The following ATP6V1G3 variants were observed in gnomAD, a reference collection of about 807,000 sequenced individuals.
ATP6V1G3 encodes the protein ATPase H+ transporting V1 subunit G3.
In ATP6V1G3, 9 loss-of-function variants were observed where a neutral mutation model predicts 9.3. The ratio of observed to expected loss-of-function variants is 0.97; its 90% CI spans 0.59 to 1.69. ATP6V1G3 has a LOEUF of 1.69. Among genes scored for constraint, ATP6V1G3 ranks in the 40% most tolerant of loss-of-function variants. The pLI, the probability that ATP6V1G3 is intolerant of heterozygous loss-of-function variation, is 0.00. For synonymous variants in ATP6V1G3, 43 were observed against 43.8 expected (o/e 0.98, Z 0.07); for missense variants, 133 against 139.0 (o/e 0.96, Z 0.22).
chr1:198,525,896 T>G (rs1326814148), intron 2 of ATP6V1G3, among the ~76,000 whole-genome samples: 3 of 152,130 alleles, frequency 2.0e-5, no homozygotes, highest in Non-Finnish European at 1.5e-5. Context: ...GAGAGACTTA[T>G]AAAGATGACT....
At chr1:198,536,679 CAGA>C (rs1194054086) in intron 1 of ATP6V1G3, 16 of 1,599,826 alleles carry the variant, frequency 1.0e-5, no homozygotes, top group Non-Finnish European at 1.3e-5. Flanking sequence ...GTCATCTTAC[CAGA>C]AGCAGTCCCA....
chr1:198,537,500 A>G (rs561959560), intron 1 of ATP6V1G3, among the ~76,000 whole-genome samples: 59 of 152,218 alleles, frequency 3.9e-4, no homozygotes, highest in African/African-American at 1.2e-3. Flanking sequence ...AGTCTTGCAA[A>G]TAAATGGATT....
chr1:198,536,667 T>C, intron 1 of ATP6V1G3: 2 of 1,586,194 alleles, frequency 1.3e-6, no homozygotes, highest in Admixed American at 1.7e-5. Flanking sequence ...TGAACATTTC[T>C]AGTCATCTTA....
chr1:198,531,888 A>G (rs925658222), intron 1 of ATP6V1G3, among the ~76,000 whole-genome samples: 13 of 152,162 alleles, frequency 8.5e-5, no homozygotes, highest in Non-Finnish European at 1.8e-4. Context: ...AATGATTGAC[A>G]AAAGTAGTTG....
intron 1 of ATP6V1G3, among the ~76,000 whole-genome samples, chr1:198,534,808 A>T (rs1455679635): frequency 1.3e-5 from 2 of 152,202 alleles, no homozygotes; most frequent in African/African-American, 4.8e-5. Flanking sequence ...AGCAAAACCA[A>T]ACCAAACAAA....
chr1:198,532,753 A>G (rs973396911), intron 1 of ATP6V1G3, among the ~76,000 whole-genome samples: 42 of 152,194 alleles, frequency 2.8e-4, no homozygotes, highest in Non-Finnish European at 2.4e-4. Context: ...AGGGTCCTCC[A>G]GGCAGAGGGA....
intron 1 of ATP6V1G3, among the ~76,000 whole-genome samples, chr1:198,538,487 T>C (rs1192138672): frequency 6.6e-6 from 1 of 152,208 alleles, no homozygotes; most frequent in East Asian, 1.9e-4. Flanking sequence ...TACAATAATA[T>C]TGATTAATCT....
chr1:198,538,414 A>C (rs1339543190), intron 1 of ATP6V1G3, among the ~76,000 whole-genome samples: 1 of 152,174 alleles, frequency 6.6e-6, no homozygotes, highest in African/African-American at 2.4e-5. Context: ...CATGTATAGC[A>C]ATTCTTTTAT....
Position 198,523,265 on chromosome 1 carries a change from G to T in ATP6V1G3, c.*126C>A, listed in dbSNP as rs991319181. On this transcript the variant is annotated 3_prime_UTR_variant, in exon 3 of 3. Transcript: ENST00000367382. ...AATTCAGTGCCGATGTATGAGTTAT[G>T]TCACATTTCCTGTAAATGTAAATTT... is the stretch of plus-strand genomic sequence containing the variant. 9.8e-5 allele frequency: 91 copies of T among 932,392 alleles called. No homozygotes were observed. The highest frequency in any genetic ancestry group is 1.4e-4 in the Non-Finnish European group (84 of 618,158). 57.8% of individuals were successfully genotyped at this position (932,392 alleles called of 1,614,324 possible).
rs946766280 is a variant in ATP6V1G3 at position 198,523,380 on chromosome 1, G to C, written c.*11C>G. The C allele has an allele frequency of 5.6e-6, 9 of 1,607,692 alleles. No individual in the cohort carries two copies. In the African/African-American group the frequency reaches 8.0e-5, roughly 14 times the overall value. On this transcript the variant is annotated 3_prime_UTR_variant, in exon 3 of 3. Transcript: ENST00000367382. ...CACACCTTTTTTTTTCTTGAAAACTGTGATGTACATTTAGTTGGTGGCTCT... is the reference window on the plus strand; with the variant it reads ...CACACCTTTTTTTTTCTTGAAAACTCTGATGTACATTTAGTTGGTGGCTCT...
At chr1:198,540,309 A>G (rs2103148660) in intron 1 of ATP6V1G3, among the ~76,000 whole-genome samples, 1 of 152,314 alleles carries the variant, frequency 6.6e-6, no homozygotes, top group African/African-American at 2.4e-5. Flanking sequence ...GGCATAGCCA[A>G]GGCTTAAGCC....
At chr1:198,539,457 T>A (rs891487672) in intron 1 of ATP6V1G3, among the ~76,000 whole-genome samples, 1 of 152,174 alleles carries the variant, frequency 6.6e-6, no homozygotes, top group Non-Finnish European at 1.5e-5. Flanking sequence ...TTATTGTAGA[T>A]TGAATAATGA....
In ATP6V1G3 at chr1:198,523,300, A is replaced by G. The variant is rs1466382950; in HGVS notation, c.*91T>C. On this transcript the variant is annotated 3_prime_UTR_variant, in exon 3 of 3. Transcript: ENST00000367382. ...CTGTAAATGTAAATTTAAGGTTCTC[A>G]TTTCAAATTTCTCAACATAAAAATA... The G allele has an allele frequency of 6.3e-6, 8 of 1,277,916 alleles. No individual in the cohort carries two copies. The East Asian group carries it at 1.7e-4, about 28-fold the overall frequency. The allele number at this position is 1,277,916 out of a possible 1,614,324, so 79.2% of individuals were successfully genotyped here. A position where few individuals can be genotyped will look rare whatever the true frequency, so the allele number is the denominator to read the frequency against.
At chr1:198,529,469 C>T (rs1659808616) in intron 1 of ATP6V1G3, among the ~76,000 whole-genome samples, 1 of 151,420 alleles carries the variant, frequency 6.6e-6, no homozygotes, top group Non-Finnish European at 1.5e-5. Flanking sequence ...TTTTTTTGCA[C>T]TTACATGTTT....
chr1:198,528,971 A>G, intron 2 of ATP6V1G3, 110 bp downstream of exon 2: 1 of 389,900 alleles, frequency 2.6e-6, no homozygotes, highest in East Asian at 5.5e-5. Flanking sequence ...ATTGAACTAT[A>G]TCTGCTCAAT....
chr1:198,529,118 A>AT lies in ATP6V1G3; in HGVS notation c.145dup (p.Met49AsnfsTer5). ...TAGTCGAAACTCTTTATCTCTCTGC[A>AT]TTCTGTACTGGTCAATTTCTACCAT... On this transcript the variant is annotated frameshift_variant, in exon 2 of 3. Transcript: ENST00000367382. LOFTEE classifies it low-confidence loss of function (END_TRUNC). The AT allele has an allele frequency of 2.7e-6, 4 of 1,505,488 alleles. No individual in the cohort carries two copies. Among genetic ancestry groups the AT allele is most frequent in the Non-Finnish European group, 3.6e-6 (4 of 1,120,866 alleles). The allele number at this position is 1,505,488 out of a possible 1,614,324, so 93.3% of individuals were successfully genotyped here.
rs1306527170 is a variant in ATP6V1G3, at chr1:198,540,675, T to G, written c.-25A>C. 1.9e-6 allele frequency: 3 copies of G among 1,601,988 alleles called. No individual in the cohort carries two copies. Among genetic ancestry groups the G allele is most frequent in the African/African-American group, 2.7e-5 (2 of 74,664 alleles). ...TGGTAGTCTGCTCCAAGCAAGTGGC[T>G]TCTGTGAAATCTGGGAAGTAATGGG... On this transcript the variant is annotated 5_prime_UTR_variant, in exon 1 of 3. Coordinates refer to ENST00000367382, the MANE Select transcript of ATP6V1G3 (RefSeq NM_001376861.1).
intron 1 of ATP6V1G3, among the ~76,000 whole-genome samples, chr1:198,529,939 G>A (rs1027475438): frequency 3.3e-5 from 5 of 151,980 alleles, no homozygotes; most frequent in African/African-American, 9.7e-5. Context: ...AGTTTTAGAC[G>A]AATACAATGC....
rs1160326089 is a variant in ATP6V1G3 at position 198,538,902 on chromosome 1, A to AAAAAG, written c.82+1662_82+1666dup. 6.6e-5 allele frequency among the ~76,000 whole-genome samples: 10 copies of AAAAAG among 151,714 alleles called. 1 individual carries two copies. Among genetic ancestry groups the AAAAAG allele is most frequent in the Non-Finnish European group, 1.3e-4 (9 of 67,922 alleles). On this transcript the variant is annotated intron_variant, in intron 1 of 2. Coordinates refer to ENST00000367382, the MANE Select transcript of ATP6V1G3 (RefSeq NM_001376861.1). The stretch of plus-strand genomic sequence containing the variant: ...AGCAGACCCTGTCTCAAAAAAAAAA[A>AAAAAG]AAAAGAAGAAGAAGAAAAGAAAACC...
Sources: allele counts gnomAD v4.1 joint callset (sites outside exome capture counted in the v4.1 genomes callset), GRCh38; gene constraint gnomAD v4.1.1; transcripts MANE v1.5; gene names NCBI Gene and HGNC (gene_info 2026-07-23, HGNC 2026-07-21).